The following PECR variants were observed in gnomAD, a reference collection of about 807,000 sequenced individuals.
PECR encodes 2,4-dienoyl-CoA reductase-related protein.
A neutral mutation model predicts 35.3 loss-of-function variants in PECR; 30 were observed. The ratio of observed to expected loss-of-function variants is 0.85; its 90% CI spans 0.64 to 1.15. The LOEUF (loss-of-function observed/expected upper bound fraction) is 1.15. PECR is among the 50% of genes most tolerant of loss of function. The pLI is 0.00. For missense variants in PECR, 392 were observed against 370.8 expected, an observed-to-expected ratio of 1.06 and a Z score of -0.47; for synonymous variants, 148 against 138.9, an observed-to-expected ratio of 1.07 and a Z score of -0.46.
chr2:216,034,305 T>C (rs151093873), downstream of PECR, among the ~76,000 whole-genome samples: 10 of 152,266 alleles, frequency 6.6e-5, no homozygotes, highest in East Asian at 1.9e-3. Context: ...GGAAACAAAA[T>C]TGATTGGCTG....
intron 6 of PECR, 39 bp downstream of exon 6, chr2:216,049,222 AAC>A (rs1695055818): frequency 2.1e-6 from 2 of 973,928 alleles, no homozygotes; most frequent in Non-Finnish European, 3.4e-6. Flanking sequence ...TCCAAAGTAT[AAC>A]ACACAGCAAT....
chr2:216,033,871 T>C (rs976169440), downstream of PECR: 3 of 152,046 alleles, frequency 2.0e-5, no homozygotes, highest in Non-Finnish European at 4.4e-5. Flanking sequence ...AAATCAGAAA[T>C]AGTGTTGTCC....
chr2:216,074,013 A>G (rs1695636409), intron 1 of PECR, among the ~76,000 whole-genome samples: 1 of 152,230 alleles, frequency 6.6e-6, no homozygotes, highest in African/African-American at 2.4e-5. Context: ...AGTGAGATGG[A>G]AAGGAGAGAA....
intron 1 of PECR, among the ~76,000 whole-genome samples, chr2:216,078,346 A>T (rs1045694093): frequency 6.6e-6 from 1 of 152,176 alleles, no homozygotes; most frequent in Admixed American, 6.5e-5. Flanking sequence ...AAAAGTAATT[A>T]TAAAAATGAT....
intron 1 of PECR, 147 bp downstream of exon 1, chr2:216,081,471 T>C: frequency 3.2e-6 from 3 of 948,056 alleles, no homozygotes; most frequent in Non-Finnish European, 5.1e-6. Context: ...TCTGTCTCCC[T>C]GGTGGTCGTA....
chr2:216,074,945 C>T (rs1328578140), intron 1 of PECR, among the ~76,000 whole-genome samples: 1 of 152,134 alleles, frequency 6.6e-6, no homozygotes, highest in Non-Finnish European at 1.5e-5. Context: ...TACTATGCAG[C>T]TTTAAAATGA....
At position 216,071,509 on chromosome 2, in the gene PECR, G is replaced by C. The variant is rs886304277; in HGVS notation, c.125-4991C>G. ...CAGGTGAGTCCATTAAATGTTATGG[G>C]TTGTGATAGATAAATCTCTCTCCTA... On this transcript the variant is annotated intron_variant, in intron 1 of 7. Transcript: ENST00000265322. Among the ~76,000 whole-genome samples the C allele has an allele frequency of 2.0e-5, 3 of 152,078 alleles. No homozygotes were observed. The South Asian group carries it at 6.2e-4, about 31-fold the overall frequency.
intron 4 of PECR, among the ~76,000 whole-genome samples, chr2:216,058,130 C>T (rs887489959): frequency 5.9e-5 from 9 of 152,140 alleles, no homozygotes; most frequent in Admixed American, 5.2e-4. Flanking sequence ...CCCTCCAGGG[C>T]TTGCACGACG....
intron 1 of PECR, among the ~76,000 whole-genome samples, chr2:216,068,878 A>G (rs1198056921): frequency 6.7e-6 from 1 of 148,530 alleles, no homozygotes; most frequent in African/African-American, 2.5e-5. Context: ...ATGTGAGTAA[A>G]TATAAAGACT....
At chr2:216,041,273 G>A (rs1316147926) in intron 7 of PECR, among the ~76,000 whole-genome samples, 2 of 152,206 alleles carry the variant, frequency 1.3e-5, no homozygotes, top group Non-Finnish European at 2.9e-5. Flanking sequence ...AGGTAAAACA[G>A]TGCAACCTGC....
At chr2:216,061,102 G>A (rs1411650631) in intron 3 of PECR, among the ~76,000 whole-genome samples, 14 of 137,454 alleles carry the variant, frequency 1.0e-4, no homozygotes, top group African/African-American at 1.1e-4. Context: ...GACCAGCCTC[G>A]GCAACAAGGG....
intron 3 of PECR, chr2:216,063,781 G>A (rs1043487246): frequency 2.6e-5 from 4 of 151,770 alleles, no homozygotes; most frequent in Non-Finnish European, 4.4e-5. Flanking sequence ...ACAGTGGCAC[G>A]ATCTCGGCTC....
rs141499488 is a variant in PECR, at chr2:216,051,057, G to A, written c.603+392C>T. On this transcript the variant is annotated intron_variant, in intron 5 of 7. Coordinates refer to ENST00000265322, the MANE Select transcript of PECR (RefSeq NM_018441.6). The stretch of plus-strand genomic sequence containing the variant: ...TCCCAGCACTTTGAGAGGCCATGGC[G>A]AACAGATCTCCTGAGCTCAGGAGTT... 4.6e-5 allele frequency among the ~76,000 whole-genome samples: 7 copies of A among 151,842 alleles called. No homozygotes were observed. In the South Asian group the frequency reaches 6.3e-4, roughly 14 times the overall value.
In PECR at chr2:216,060,719, G is replaced by A. The variant is rs1695322245; in HGVS notation, c.425-1743C>T. 9.2e-5 allele frequency among the ~76,000 whole-genome samples: 14 copies of A among 151,972 alleles called. 2 individuals carry two copies. The South Asian group carries it at 2.5e-3, about 27-fold the overall frequency. On this transcript the variant is annotated intron_variant, in intron 3 of 7. Transcript: ENST00000265322. ...CAATAATTATTATTACCTACTAAAG[G>A]GAACTAGGTCTTCTTGGAGAAACAG...
intron 1 of PECR, among the ~76,000 whole-genome samples, chr2:216,070,708 T>A (rs950389947): frequency 4.6e-5 from 7 of 152,240 alleles, no homozygotes; most frequent in African/African-American, 1.4e-4. Flanking sequence ...CTTGAGCTCC[T>A]ACGGCCTTTT....
chr2:216,055,438 A>C (rs199828725), intron 4 of PECR, among the ~76,000 whole-genome samples: 2 of 10,382 alleles, frequency 1.9e-4, no homozygotes, highest in East Asian at 2.4e-3. Context: ...ATTCCATCTC[A>C]AAAAAAAAAA....
At chr2:216,072,068 T>A (rs1695600092) in intron 1 of PECR, among the ~76,000 whole-genome samples, 1 of 152,254 alleles carries the variant, frequency 6.6e-6, no homozygotes, top group Admixed American at 6.5e-5. Flanking sequence ...TCTCACTGTG[T>A]TGCCCAGGCT....
At chr2:216,077,464 G>A (rs1178711552) in intron 1 of PECR, among the ~76,000 whole-genome samples, 1 of 150,980 alleles carries the variant, frequency 6.6e-6, no homozygotes, top group Non-Finnish European at 1.5e-5. Flanking sequence ...CCAAGATCGC[G>A]CCACCGCACT....
At chr2:216,069,668 T>C (rs1398692648) in intron 1 of PECR, among the ~76,000 whole-genome samples, 1 of 152,100 alleles carries the variant, frequency 6.6e-6, no homozygotes, top group Admixed American at 6.6e-5. Flanking sequence ...CCAGGCATGG[T>C]GGCTCACTTC....
Sources: gnomAD v4.1 joint callset for allele counts (sites outside exome capture counted in the v4.1 genomes callset) on GRCh38, gnomAD v4.1.1 for gene constraint, MANE v1.5 for transcripts, NCBI Gene and HGNC (gene_info 2026-07-23, HGNC 2026-07-21) for gene names.